The following CAMKMT variants were observed in gnomAD, a reference collection of about 807,000 sequenced individuals.
CAMKMT encodes the protein CaM KMT.
Under a neutral mutation model 48.0 loss-of-function variants are expected in CAMKMT, and 53 were observed. The observed-to-expected ratio is 1.10, with a 90% CI of 0.89 to 1.39. CAMKMT has a LOEUF of 1.39. Ranked by LOEUF, CAMKMT falls within the 40% of genes most tolerant of loss-of-function variation. The pLI, the probability that CAMKMT is intolerant of heterozygous loss-of-function variation, is 0.00. For missense variants in CAMKMT, 428 were observed against 402.7 expected (o/e 1.06, Z -0.54); for synonymous variants, 165 against 152.3 (o/e 1.08, Z -0.61).
rs1433445028 is a variant in CAMKMT, at chr2:44,549,542, C to A, written c.377-154741C>A. The stretch of plus-strand genomic sequence containing the variant: ...CTAAAATGTATATATAATTTTTTTT[C>A]TTTTTTTCTTAGACACAGGGTCTCA... On this transcript the variant is annotated intron_variant, in intron 3 of 10. Coordinates refer to ENST00000378494, the MANE Select transcript of CAMKMT (RefSeq NM_024766.5). 4.3e-6 allele frequency: 3 copies of A among 691,834 alleles called. No individual in the cohort carries two copies. In the African/African-American group the frequency reaches 5.3e-5, roughly 12 times the overall value. The allele number at this position is 691,834 out of a possible 1,614,324, so 42.9% of individuals were successfully genotyped here.
intron 3 of CAMKMT, among the ~76,000 whole-genome samples, chr2:44,680,139 C>T (rs1675935500): frequency 1.3e-5 from 2 of 152,102 alleles, no homozygotes. Flanking sequence ...GTTGGGATAT[C>T]AAGTGACGGA....
intron 3 of CAMKMT, among the ~76,000 whole-genome samples, chr2:44,484,569 A>C (rs1040524744): frequency 3.9e-5 from 6 of 152,034 alleles, no homozygotes; most frequent in Non-Finnish European, 7.4e-5. Flanking sequence ...TACAAATATC[A>C]ATTTCAGATT....
intron 3 of CAMKMT, among the ~76,000 whole-genome samples, chr2:44,524,071 C>A (rs986083448): frequency 6.6e-6 from 1 of 152,088 alleles, no homozygotes; most frequent in Admixed American, 6.5e-5. Flanking sequence ...GCCACCGTGT[C>A]GAACACAGAG....
chr2:44,529,038 A>G (rs1247433098), intron 3 of CAMKMT, among the ~76,000 whole-genome samples: 1 of 152,142 alleles, frequency 6.6e-6, no homozygotes, highest in African/African-American at 2.4e-5. Context: ...TAGTTGGACT[A>G]TTTCTATAAA....
chr2:44,702,116 CTCTTTG>C (rs1677293246), intron 3 of CAMKMT, among the ~76,000 whole-genome samples: 1 of 152,050 alleles, frequency 6.6e-6, no homozygotes, highest in Admixed American at 6.6e-5. Context: ...TAGTTAGATA[CTCTTTG>C]TCTATCATTT....
intron 3 of CAMKMT, among the ~76,000 whole-genome samples, chr2:44,642,397 C>T (rs1450371552): frequency 1.3e-5 from 2 of 152,230 alleles, no homozygotes; most frequent in Non-Finnish European, 1.5e-5. Flanking sequence ...GCACTGGTGC[C>T]ATAAGGCAGC....
At chr2:44,722,351 CA>C (rs1052070795) in intron 7 of CAMKMT, among the ~76,000 whole-genome samples, 3 of 151,868 alleles carry the variant, frequency 2.0e-5, no homozygotes, top group African/African-American at 7.3e-5. Context: ...AGTTTTCTAC[CA>C]AAAAGTATAT....
chr2:44,607,383 C>G (rs1489058347), intron 3 of CAMKMT, among the ~76,000 whole-genome samples: 1 of 152,114 alleles, frequency 6.6e-6, no homozygotes, highest in Non-Finnish European at 1.5e-5. Context: ...ATATGAATGT[C>G]TAAAAAGTAT....
In CAMKMT at chr2:44,612,384, C is replaced by A. The variant is rs183557854; in HGVS notation, c.377-91899C>A. Among the ~76,000 whole-genome samples, 4 of 152,236 alleles carry A rather than the reference C, an allele frequency of 2.6e-5. No homozygotes were observed. In the East Asian group the frequency reaches 7.7e-4, roughly 29 times the overall value. ...AATAAAGATAGCATCACACTCATCA[C>A]CATAGCTTTAGTTGTCAGAAATGGT... is the stretch of plus-strand genomic sequence containing the variant. On this transcript the variant is annotated intron_variant, in intron 3 of 10. Coordinates refer to ENST00000378494, the MANE Select transcript of CAMKMT (RefSeq NM_024766.5).
At chr2:44,643,562 G>A (rs552922244) in intron 3 of CAMKMT, among the ~76,000 whole-genome samples, 1 of 151,992 alleles carries the variant, frequency 6.6e-6, no homozygotes, top group African/African-American at 2.4e-5. Flanking sequence ...CTATAAAATT[G>A]TTTTTAAAAT....
chr2:44,696,350 G>A (rs969628506), intron 3 of CAMKMT, among the ~76,000 whole-genome samples: 26 of 152,128 alleles, frequency 1.7e-4, no homozygotes, highest in African/African-American at 6.0e-4. Context: ...TGCAAATTTT[G>A]GTATGGAGTG....
At chr2:44,484,511 C>A (rs1669119201) in intron 3 of CAMKMT, among the ~76,000 whole-genome samples, 1 of 151,820 alleles carries the variant, frequency 6.6e-6, no homozygotes, top group Non-Finnish European at 1.5e-5. Context: ...TCTGATTCAA[C>A]TGGATAACCT....
At chr2:44,668,130 C>T (rs1675109704) in intron 3 of CAMKMT, among the ~76,000 whole-genome samples, 2 of 152,138 alleles carry the variant, frequency 1.3e-5, no homozygotes, top group African/African-American at 4.8e-5. Context: ...GTTCTTCAAA[C>T]CCCTCCAATA....
At chr2:44,711,178 C>T (rs1250959857) in intron 6 of CAMKMT, among the ~76,000 whole-genome samples, 1 of 152,144 alleles carries the variant, frequency 6.6e-6, no homozygotes, top group Non-Finnish European at 1.5e-5. Context: ...CTTCCAATGC[C>T]GGCTGTACTT....
intron 3 of CAMKMT, among the ~76,000 whole-genome samples, chr2:44,498,721 G>A (rs1373694343): frequency 6.6e-6 from 1 of 152,226 alleles, no homozygotes; most frequent in African/African-American, 2.4e-5. Flanking sequence ...GTTGATTTCA[G>A]TGATTTAATT....
chr2:44,424,809 C>T (rs565729790), intron 3 of CAMKMT, among the ~76,000 whole-genome samples: 3 of 152,256 alleles, frequency 2.0e-5, no homozygotes, highest in Admixed American at 6.5e-5. Context: ...AAATTGGGTG[C>T]AGTGTATACT....
intron 3 of CAMKMT, among the ~76,000 whole-genome samples, chr2:44,489,448 G>T (rs1379499135): frequency 2.6e-5 from 4 of 152,026 alleles, no homozygotes; most frequent in Non-Finnish European, 5.9e-5. Flanking sequence ...GTTTCACCAT[G>T]TTGGTCAGGC....
intron 3 of CAMKMT, among the ~76,000 whole-genome samples, chr2:44,696,253 A>G (rs1676945129): frequency 2.6e-5 from 4 of 152,184 alleles, no homozygotes; most frequent in Non-Finnish European, 5.9e-5. Flanking sequence ...AAAAATGTTT[A>G]AAAACATTAT....
Position 44,766,419 on chromosome 2 carries a change from T to G in CAMKMT, c.763-11T>G. The G allele has an allele frequency of 6.2e-7, 1 of 1,613,256 alleles. No individual in the cohort carries two copies. Among genetic ancestry groups the G allele is most frequent in the Non-Finnish European group, 8.5e-7 (1 of 1,179,794 alleles). ...TTTTAAAATATGTGAATTTCCTTTT[T>G]ACTGTTCTAGGGGAAAGCGATGGTA... On this transcript the variant is annotated splice_polypyrimidine_tract_variant and intron_variant, in intron 9 of 10. Transcript: ENST00000378494.
Sources: allele counts gnomAD v4.1 joint callset (sites outside exome capture counted in the v4.1 genomes callset), GRCh38; gene constraint gnomAD v4.1.1; transcripts MANE v1.5; gene names NCBI Gene and HGNC (gene_info 2026-07-23, HGNC 2026-07-21).